The following SH3RF3 variants were observed in gnomAD, a reference collection of about 807,000 sequenced individuals.
SH3RF3 encodes SH3 domain containing ring finger 3.
Under a neutral mutation model 66.3 loss-of-function variants are expected in SH3RF3, and 29 were observed. The ratio of observed to expected loss-of-function variants is 0.44; its 90% CI spans 0.33 to 0.60. The LOEUF is 0.60. Among genes scored for constraint, SH3RF3 ranks in the 20% least tolerant of loss-of-function variants. The pLI is 0.04. For synonymous variants in SH3RF3, 583 were observed against 532.0 expected (o/e 1.10, Z -1.32); for missense variants, 1,194 against 1,190.9 (o/e 1.00, Z -0.04).
intron 1 of SH3RF3, among the ~76,000 whole-genome samples, chr2:109,151,015 CT>C (rs1677214180): frequency 6.6e-6 from 1 of 152,140 alleles, no homozygotes; most frequent in Non-Finnish European, 1.5e-5. Context: ...GTCGACACTG[CT>C]TATGGAGTGC....
intron 1 of SH3RF3, among the ~76,000 whole-genome samples, chr2:109,215,237 C>A (rs1007575855): frequency 6.6e-6 from 1 of 152,110 alleles, no homozygotes; most frequent in South Asian, 2.1e-4. Context: ...ACTAATGTCA[C>A]GGGCAGAGGA....
intron 1 of SH3RF3, among the ~76,000 whole-genome samples, chr2:109,330,111 A>G (rs1682250196): frequency 6.6e-6 from 1 of 152,248 alleles, no homozygotes; most frequent in African/African-American, 2.4e-5. Context: ...TAGCACGGGC[A>G]TGCATTTCCT....
chr2:109,197,895 C>T (rs1490468331), intron 1 of SH3RF3, among the ~76,000 whole-genome samples: 2 of 152,240 alleles, frequency 1.3e-5, no homozygotes, highest in African/African-American at 4.8e-5. Flanking sequence ...TTGCCTTTTG[C>T]ATCAAATCCC....
chr2:109,400,413 C>T (rs1381251034), intron 4 of SH3RF3, among the ~76,000 whole-genome samples: 2 of 152,154 alleles, frequency 1.3e-5, no homozygotes, highest in African/African-American at 2.4e-5. Context: ...TACACATATA[C>T]ACCTGTGCAC....
chr2:109,346,886 C>T (rs189226289), intron 1 of SH3RF3, among the ~76,000 whole-genome samples: 18 of 152,336 alleles, frequency 1.2e-4, no homozygotes, highest in East Asian at 1.9e-4. Context: ...CTGGAACAGA[C>T]TGCTACAAGT....
intron 1 of SH3RF3, among the ~76,000 whole-genome samples, chr2:109,246,878 CA>C (rs1469696656): frequency 2.0e-5 from 3 of 152,164 alleles, no homozygotes; most frequent in African/African-American, 7.2e-5. Context: ...CATTCGGTGG[CA>C]CAGGTTTGAT....
chr2:109,345,378 G>T (rs563142628), intron 1 of SH3RF3, among the ~76,000 whole-genome samples: 5 of 152,294 alleles, frequency 3.3e-5, no homozygotes, highest in African/African-American at 1.2e-4. Context: ...CCGCAGAAGG[G>T]AGTGCAGCGT....
chr2:109,149,226 C>T (rs1401566997), intron 1 of SH3RF3, among the ~76,000 whole-genome samples: 1 of 152,100 alleles, frequency 6.6e-6, no homozygotes, highest in African/African-American at 2.4e-5. Flanking sequence ...TGCTTTTATT[C>T]GGACTTCTCT....
intron 1 of SH3RF3, among the ~76,000 whole-genome samples, chr2:109,334,061 T>C (rs1682347262): frequency 6.6e-6 from 1 of 152,180 alleles, no homozygotes; most frequent in Non-Finnish European, 1.5e-5. Context: ...AGTTGTGCAT[T>C]TGAAGATCAC....
At chr2:109,325,787 C>T (rs1682140035) in intron 1 of SH3RF3, among the ~76,000 whole-genome samples, 1 of 152,218 alleles carries the variant, frequency 6.6e-6, no homozygotes, top group Non-Finnish European at 1.5e-5. Context: ...CAGGTGCCTG[C>T]TGCACCCTCC....
chr2:109,228,291 T>C (rs1211100614), intron 1 of SH3RF3, among the ~76,000 whole-genome samples: 1 of 152,206 alleles, frequency 6.6e-6, no homozygotes, highest in Non-Finnish European at 1.5e-5. Flanking sequence ...TATTGTCTCA[T>C]TAATGAGCAG....
In SH3RF3 at chr2:109,244,873, G is replaced by A. The variant is rs756315877; in HGVS notation, c.574-102801G>A. 3.9e-5 allele frequency among the ~76,000 whole-genome samples: 6 copies of A among 152,298 alleles called. No individual in the cohort carries two copies. In the South Asian group the frequency reaches 6.2e-4, roughly 16 times the overall value. Reference sequence around the variant, plus strand: ...CTTTCCCACTGCAGCCTGTGCCATCGTCATATTCTGCAGGGTGTGGACACA... The same window carrying A: ...CTTTCCCACTGCAGCCTGTGCCATCATCATATTCTGCAGGGTGTGGACACA... On this transcript the variant is annotated intron_variant, in intron 1 of 9. Transcript: ENST00000309415.
intron 9 of SH3RF3, among the ~76,000 whole-genome samples, chr2:109,498,238 T>C (rs1679302212): frequency 6.6e-6 from 1 of 152,180 alleles, no homozygotes; most frequent in South Asian, 2.1e-4. Flanking sequence ...CGTGCACCCG[T>C]AGATGCTCTG....
chr2:109,440,381 G>C (rs1193380685), intron 7 of SH3RF3, among the ~76,000 whole-genome samples: 1 of 152,224 alleles, frequency 6.6e-6, no homozygotes, highest in Non-Finnish European at 1.5e-5. Flanking sequence ...CCGCAGTGAA[G>C]CCGAAAAGCT....
chr2:109,274,993 G>T (rs1261067100), intron 1 of SH3RF3, among the ~76,000 whole-genome samples: 1 of 152,038 alleles, frequency 6.6e-6, no homozygotes, highest in Non-Finnish European at 1.5e-5. Flanking sequence ...ATCAATAAAA[G>T]AGCTAGTTCT....
At chr2:109,148,318 C>T (rs1179170531) in intron 1 of SH3RF3, among the ~76,000 whole-genome samples, 3 of 152,258 alleles carry the variant, frequency 2.0e-5, no homozygotes, top group Admixed American at 2.0e-4. Flanking sequence ...CGGTGTGCTG[C>T]AGCCAGCCCA....
At chr2:109,332,676 C>T (rs1487631076) in intron 1 of SH3RF3, among the ~76,000 whole-genome samples, 3 of 152,180 alleles carry the variant, frequency 2.0e-5, no homozygotes, top group Non-Finnish European at 2.9e-5. Context: ...AAGGATGGGG[C>T]GATGAGTCAC....
At chr2:109,403,030 C>G in intron 4 of SH3RF3, among the ~76,000 whole-genome samples, 1 of 152,160 alleles carries the variant, frequency 6.6e-6, no homozygotes, top group East Asian at 1.9e-4. Context: ...GAGGAAGCCC[C>G]TTAGCTGGCC....
intron 8 of SH3RF3, among the ~76,000 whole-genome samples, chr2:109,464,305 TACA>T (rs1189234041): frequency 6.6e-6 from 1 of 152,214 alleles, no homozygotes; most frequent in Non-Finnish European, 1.5e-5. Flanking sequence ...CATACACATG[TACA>T]ACATGAACTC....
Sources: allele counts gnomAD v4.1 joint callset (sites outside exome capture counted in the v4.1 genomes callset), GRCh38; gene constraint gnomAD v4.1.1; transcripts MANE v1.5; gene names NCBI Gene and HGNC (gene_info 2026-07-23, HGNC 2026-07-21).